Variants in CACHD1 observed in about 807,000 individuals in gnomAD.
CACHD1 encodes VWFA and cache domain-containing protein 1.
In CACHD1, 71 loss-of-function variants were observed where a neutral mutation model predicts 138.7. That is an observed-to-expected ratio of 0.51 (90% CI 0.42 to 0.62). The LOEUF (loss-of-function observed/expected upper bound fraction) is 0.62, where lower values mean the gene tolerates loss of function less well. CACHD1 is among the 20% of genes least tolerant of loss of function. CACHD1 has a pLI of 0.00. For missense variants in CACHD1, 1,389 were observed against 1,625.3 expected (o/e 0.85, Z 2.50); for synonymous variants, 578 against 591.5 (o/e 0.98, Z 0.33).
chr1:64,588,809 G>A (rs956660051), intron 3 of CACHD1, among the ~76,000 whole-genome samples: 5 of 152,026 alleles, frequency 3.3e-5, no homozygotes, highest in Non-Finnish European at 5.9e-5. Flanking sequence ...TAAAAAGAAG[G>A]GGGCAAAGGG....
chr1:64,685,886 A>G (rs1453114063), intron 26 of CACHD1, among the ~76,000 whole-genome samples: 2 of 152,062 alleles, frequency 1.3e-5, no homozygotes, highest in East Asian at 3.9e-4. Context: ...TGGAGTTGCA[A>G]TGAGGATGAA....
chr1:64,505,717 C>T (rs1250374402), intron 1 of CACHD1, among the ~76,000 whole-genome samples: 7 of 141,540 alleles, frequency 4.9e-5, no homozygotes, highest in Non-Finnish European at 1.1e-4. Flanking sequence ...GACCCCGCCG[C>T]CCCTCCCCCT....
chr1:64,661,736 C>A (rs183183593), intron 13 of CACHD1, among the ~76,000 whole-genome samples: 11 of 152,244 alleles, frequency 7.2e-5, no homozygotes, highest in Admixed American at 6.5e-4. Context: ...GGCACCCTAA[C>A]CTTTTCCAGC....
At chr1:64,489,854 T>C (rs1433538939) in intron 1 of CACHD1, among the ~76,000 whole-genome samples, 1 of 152,208 alleles carries the variant, frequency 6.6e-6, no homozygotes, top group East Asian at 1.9e-4. Flanking sequence ...TCTCCTGTTA[T>C]TAAGGATGAG....
At chr1:64,641,724 T>C in intron 7 of CACHD1, 96 bp from the exon 8 acceptor site, 1 of 918,946 alleles carries the variant, frequency 1.1e-6, no homozygotes, top group Non-Finnish European at 1.6e-6. Context: ...AGGCAAGTCC[T>C]CGAGGTGGGG....
At chr1:64,503,590 C>T (rs964745380) in intron 1 of CACHD1, among the ~76,000 whole-genome samples, 2 of 151,916 alleles carry the variant, frequency 1.3e-5, no homozygotes, top group Non-Finnish European at 2.9e-5. Flanking sequence ...GGTGGGTAGA[C>T]CTGAAGAGTT....
chr1:64,550,517 A>G, intron 1 of CACHD1, 77 bp from the exon 2 acceptor site: 1 of 1,045,586 alleles, frequency 9.6e-7, no homozygotes. Flanking sequence ...TTTGTTGTAA[A>G]CAAATTATTC....
At chr1:64,634,895 C>T (rs1648459181) in intron 7 of CACHD1, among the ~76,000 whole-genome samples, 1 of 145,420 alleles carries the variant, frequency 6.9e-6, no homozygotes. Flanking sequence ...CCTCGGGAGG[C>T]TGAGGCAGGA....
chr1:64,578,804 G>T (rs188344556), intron 2 of CACHD1, among the ~76,000 whole-genome samples: 1 of 152,300 alleles, frequency 6.6e-6, no homozygotes, highest in East Asian at 1.9e-4. Flanking sequence ...CGTTCCAAGA[G>T]ACAGGCATGT....
At position 64,654,140 on chromosome 1, in the gene CACHD1, TA is replaced by T. The variant is rs373129495; in HGVS notation, c.1664+263del. Among the ~76,000 whole-genome samples, 116 of 152,338 alleles carry T rather than the reference TA, an allele frequency of 7.6e-4. 2 individuals carry two copies. Among genetic ancestry groups the T allele is most frequent in the African/African-American group, 2.8e-3 (115 of 41,582 alleles). ...TTTATGTTCACATTGACTTTCATTGTAAAATCAGATATATTTCATCTCATTT... is the reference window on the plus strand; with the variant it reads ...TTTATGTTCACATTGACTTTCATTGTAAATCAGATATATTTCATCTCATTT... On this transcript the variant is annotated intron_variant, in intron 11 of 26. Coordinates refer to ENST00000651257, the MANE Select transcript of CACHD1 (RefSeq NM_020925.4).
chr1:64,493,391 G>A (rs1646289306), intron 1 of CACHD1, among the ~76,000 whole-genome samples: 1 of 152,148 alleles, frequency 6.6e-6, no homozygotes, highest in African/African-American at 2.4e-5. Context: ...ATATAGTCGA[G>A]CACTTCACTT....
chr1:64,615,554 C>G (rs1278607244), intron 4 of CACHD1, among the ~76,000 whole-genome samples: 1 of 152,176 alleles, frequency 6.6e-6, no homozygotes, highest in Non-Finnish European at 1.5e-5. Context: ...AATCCAGTGC[C>G]TTGCCCATAG....
intron 4 of CACHD1, among the ~76,000 whole-genome samples, chr1:64,603,277 T>G (rs1191253280): frequency 6.6e-6 from 1 of 151,946 alleles, no homozygotes; most frequent in Non-Finnish European, 1.5e-5. Context: ...GTTAATTTTT[T>G]GTATTTTTAG....
intron 1 of CACHD1, among the ~76,000 whole-genome samples, chr1:64,528,120 G>A (rs1397084972): frequency 6.6e-6 from 1 of 152,186 alleles, no homozygotes; most frequent in African/African-American, 2.4e-5. Flanking sequence ...CTGGTATTTA[G>A]AATCAAATCT....
intron 4 of CACHD1, among the ~76,000 whole-genome samples, chr1:64,625,712 A>G (rs966582892): frequency 1.3e-5 from 2 of 152,182 alleles, no homozygotes; most frequent in African/African-American, 4.8e-5. Flanking sequence ...CTCAGACTTC[A>G]TCACTACACA....
chr1:64,609,819 C>G (rs1647465265), intron 4 of CACHD1, among the ~76,000 whole-genome samples: 1 of 151,886 alleles, frequency 6.6e-6, no homozygotes, highest in African/African-American at 2.4e-5. Flanking sequence ...TAAAACAAAT[C>G]TTAATTTGTT....
At chr1:64,662,221 A>T (rs6673348) in intron 13 of CACHD1, among the ~76,000 whole-genome samples, 8,865 of 152,310 alleles carry the variant, frequency 0.058, 348 homozygotes, top group East Asian at 0.2. Context: ...TTTGGCAGAG[A>T]TTCTAAAAGA....
chr1:64,585,739 C>T (rs1483182347), intron 3 of CACHD1, among the ~76,000 whole-genome samples: 1 of 152,208 alleles, frequency 6.6e-6, no homozygotes, highest in Non-Finnish European at 1.5e-5. Context: ...AGGAAGTGGC[C>T]TGTGAGGACT....
chr1:64,559,585 A>G (rs558686045), intron 2 of CACHD1, among the ~76,000 whole-genome samples: 1 of 152,300 alleles, frequency 6.6e-6, no homozygotes, highest in East Asian at 1.9e-4. Context: ...AATATGTACA[A>G]CAAACCCCCA....
Sources: gnomAD v4.1 joint callset for allele counts (sites outside exome capture counted in the v4.1 genomes callset) on GRCh38, gnomAD v4.1.1 for gene constraint, MANE v1.5 for transcripts, NCBI Gene and HGNC (gene_info 2026-07-23, HGNC 2026-07-21) for gene names.